The following G3BP1 variants were observed in gnomAD, a reference collection of about 807,000 sequenced individuals.
G3BP1 encodes G3BP stress granule assembly factor 1, also known as ras GTPase-activating protein-binding protein 1.
A neutral mutation model predicts 58.6 loss-of-function variants in G3BP1; 35 were observed. The ratio of observed to expected loss-of-function variants is 0.60; its 90% CI spans 0.46 to 0.79. The LOEUF (loss-of-function observed/expected upper bound fraction) is 0.79, where lower values mean the gene tolerates loss of function less well. G3BP1 is among the 30% of genes least tolerant of loss of function. The pLI is 0.00. For synonymous variants in G3BP1, 191 were observed against 195.4 expected (o/e 0.98, Z 0.19); for missense variants, 523 against 580.8 (o/e 0.90, Z 1.02).
At position 151,791,077 on chromosome 5, in the gene G3BP1, G is replaced by A; in HGVS notation, c.351+15G>A. ...TTGCTCCTGAGGTATGTGTAGGAAT[G>A]ATTATTTTGTAGTGATCCAATACAT... is the stretch of plus-strand genomic sequence containing the variant. On this transcript the variant is annotated intron_variant, in intron 4 of 11. Transcript: ENST00000356245. 6.3e-7 allele frequency: 1 copy of A among 1,597,440 alleles called. No homozygotes were observed. Among genetic ancestry groups the A allele is most frequent in the African/African-American group, 1.3e-5 (1 of 74,686 alleles).
chr5:151,809,628 G>A lies in G3BP1; in HGVS notation c.*5537G>A, dbSNP rs879339370. 1.3e-5 allele frequency: 2 copies of A among 152,194 alleles called. No individual in the cohort carries two copies. The highest frequency in any genetic ancestry group is 4.8e-5 in the African/African-American group (2 of 41,442). 9.4% of individuals were successfully genotyped at this position (152,194 alleles called of 1,614,324 possible). On this transcript the variant is annotated 3_prime_UTR_variant, in exon 12 of 12. Transcript: ENST00000356245. ...TGTTAGTGCTGGAAAGGACTAGGAA[G>A]TGACTTGTACAACCCCTTCATTTTA...
chr5:151,787,460 T>A (rs1420454000), intron 2 of G3BP1: 1 of 152,206 alleles, frequency 6.6e-6, no homozygotes, highest in African/African-American at 2.4e-5. Context: ...CAGAAACAAT[T>A]TTTCTATATA....
intron 1 of G3BP1, among the ~76,000 whole-genome samples, chr5:151,774,025 G>C (rs936524916): frequency 2.0e-5 from 3 of 152,196 alleles, no homozygotes; most frequent in African/African-American, 4.8e-5. Flanking sequence ...TGAAAATTAC[G>C]TGATTATTTC....
At position 151,797,240 on chromosome 5, in the gene G3BP1, G is replaced by C. The variant is rs201691899; in HGVS notation, c.553G>C (p.Glu185Gln). 846 of 1,613,456 alleles carry C rather than the reference G, an allele frequency of 5.2e-4. No homozygotes were observed. The highest frequency in any genetic ancestry group is 6.9e-4 in the Non-Finnish European group (813 of 1,179,508). ...DQAVVSNDMEEHLEEPVAEPE... is the reference protein window; with the variant it reads ...DQAVVSNDMEQHLEEPVAEPE... ...TTCCTGTCAAAGTAATGACATGGAA[G>C]AACATTTAGAGGAGCCTGTTGCTGA... Residue 185 changes from glutamate to glutamine, a missense_variant, in exon 7 of 12, where the codon GAA becomes CAA. Around this residue, in one of 2 missense-constraint regions of G3BP1, gnomAD observed 398 missense variants for 399.1 expected, o/e 1.00. Transcript: ENST00000356245.
chr5:151,786,974 C>A, intron 2 of G3BP1: 1 of 244,246 alleles, frequency 4.1e-6, no homozygotes, highest in Non-Finnish European at 7.8e-6. Flanking sequence ...TCCTGAGTAG[C>A]TGGGACCACA....
At chr5:151,786,134 C>T (rs1247830495) in intron 1 of G3BP1, among the ~76,000 whole-genome samples, 1 of 152,064 alleles carries the variant, frequency 6.6e-6, no homozygotes, top group African/African-American at 2.4e-5. Flanking sequence ...CTAAAAAATA[C>T]AAAAATTAGC....
intron 1 of G3BP1, among the ~76,000 whole-genome samples, chr5:151,777,262 A>C (rs963520689): frequency 6.6e-6 from 1 of 152,252 alleles, no homozygotes; most frequent in Non-Finnish European, 1.5e-5. Context: ...GTTTGAATAC[A>C]TGACATAATC....
chr5:151,774,044 G>A (rs1762324511), intron 1 of G3BP1, among the ~76,000 whole-genome samples: 1 of 152,208 alleles, frequency 6.6e-6, no homozygotes, highest in South Asian at 2.1e-4. Flanking sequence ...TCACAAACTG[G>A]TGCTCTAACT....
intron 2 of G3BP1, among the ~76,000 whole-genome samples, chr5:151,788,934 T>C (rs1478055075): frequency 6.6e-6 from 1 of 152,080 alleles, no homozygotes; most frequent in Non-Finnish European, 1.5e-5. Context: ...TGCGCCACCA[T>C]GCCTGGCTAA....
intron 7 of G3BP1, among the ~76,000 whole-genome samples, chr5:151,797,972 C>CT (rs34806653): frequency 0.2 from 29,872 of 152,122 alleles, 3,684 homozygotes; most frequent in South Asian, 0.32. Context: ...TCGTTGAAAC[C>CT]TTTGCATTTG....
At position 151,799,983 on chromosome 5, in the gene G3BP1, A is replaced by T. The variant is rs776864948; in HGVS notation, c.938A>T (p.Gln313Leu). Residue 313 changes from glutamine to leucine, a missense_variant, in exon 9 of 12, where the codon CAA becomes CTA. This residue lies in a region of G3BP1 where 398 missense variants were observed against 399.1 expected (regional missense o/e 1.00). Transcript: ENST00000356245. Reference protein sequence around the residue: ...VREQRINIPPQRGPRPIREAG... With the variant: ...VREQRINIPPLRGPRPIREAG... ...GAACAACGAATAAATATTCCTCCCC[A>T]AAGGGGACCCAGACCAAGTAAGAGC... 1.9e-6 allele frequency: 3 copies of T among 1,601,858 alleles called. No individual in the cohort carries two copies. Among genetic ancestry groups the T allele is most frequent in the Non-Finnish European group, 2.6e-6 (3 of 1,168,902 alleles).
Position 151,812,411 on chromosome 5 carries a change from T to C in G3BP1, c.*8320T>C, listed in dbSNP as rs1292910088. The stretch of plus-strand genomic sequence containing the variant: ...TTTTGGAATAAAGGAAATGTAAAAT[T>C]ATTTGCAGAATAATAACCTGGGATT... On this transcript the variant is annotated 3_prime_UTR_variant, in exon 12 of 12. Transcript: ENST00000356245. The C allele has an allele frequency of 6.6e-6, 1 of 152,208 alleles. No homozygotes were observed. The highest frequency in any genetic ancestry group is 2.4e-5 in the African/African-American group (1 of 41,448). 9.4% of individuals were successfully genotyped at this position (152,208 alleles called of 1,614,324 possible). A position where few individuals can be genotyped will look rare whatever the true frequency, so the allele number is the denominator to read the frequency against.
In G3BP1 at chr5:151,803,917, T is replaced by C; in HGVS notation, c.1227T>C (p.Asn409=). ...PIMFRGEVRL[N]VEEKKTRAAR... ...TGTTCAGAGGTGAGGTCCGTCTGAA[T>C]GTCGAAGAGAAGAAGACTCGAGCTG... The change falls in exon 12 of 12, where the codon AAT becomes AAC. Residue 409 remains asparagine, a synonymous_variant. Coordinates refer to ENST00000356245, the MANE Select transcript of G3BP1 (RefSeq NM_005754.3). 6.2e-7 allele frequency: 1 copy of C among 1,613,998 alleles called. No individual in the cohort carries two copies. The highest frequency in any genetic ancestry group is 8.5e-7 in the Non-Finnish European group (1 of 1,179,896).
chr5:151,778,163 A>AT (rs1762404968), intron 1 of G3BP1, among the ~76,000 whole-genome samples: 2 of 152,178 alleles, frequency 1.3e-5, no homozygotes, highest in Admixed American at 6.5e-5. Flanking sequence ...CCTAACTTTT[A>AT]AAGAAACTCC....
At chr5:151,779,046 TAA>T (rs200862248) in intron 1 of G3BP1, among the ~76,000 whole-genome samples, 1 of 144,634 alleles carries the variant, frequency 6.9e-6, no homozygotes. Context: ...AGATTCCTTC[TAA>T]AAAAAAAAAA....
At chr5:151,803,593 A>G (rs935509691) in intron 11 of G3BP1, among the ~76,000 whole-genome samples, 1 of 152,080 alleles carries the variant, frequency 6.6e-6, no homozygotes. Context: ...CCTGGGTTCA[A>G]GCAATTCTCC....
rs1762933973 is a variant in G3BP1, at chr5:151,806,008, A to G, written c.*1917A>G. 2.0e-5 allele frequency: 3 copies of G among 152,174 alleles called. No homozygotes were observed. The highest frequency in any genetic ancestry group is 2.9e-5 in the Non-Finnish European group (2 of 68,028). The allele number at this position is 152,174 out of a possible 1,614,324, so 9.4% of individuals were successfully genotyped here. On this transcript the variant is annotated 3_prime_UTR_variant, in exon 12 of 12. Coordinates refer to ENST00000356245, the MANE Select transcript of G3BP1 (RefSeq NM_005754.3). ...GCATTAACTAGATGCAGCAATCCTC[A>G]GCTTGGTGTTATCACATACTAGAGG...
chr5:151,783,082 C>G (rs1454212045), intron 1 of G3BP1, among the ~76,000 whole-genome samples: 1 of 151,986 alleles, frequency 6.6e-6, no homozygotes, highest in Non-Finnish European at 1.5e-5. Flanking sequence ...TGGTGTTGAA[C>G]TCCTGACCTC....
At chr5:151,775,536 T>G (rs1762354360) in intron 1 of G3BP1, among the ~76,000 whole-genome samples, 1 of 152,254 alleles carries the variant, frequency 6.6e-6, no homozygotes, top group South Asian at 2.1e-4. Context: ...GAATCTGGAA[T>G]GTATGAATGT....
Sources: gnomAD v4.1 joint callset for allele counts (sites outside exome capture counted in the v4.1 genomes callset) on GRCh38, gnomAD v4.1.1 for gene constraint, gnomAD v4.1.1 regional missense constraint, MANE v1.5 for transcripts, NCBI Gene and HGNC (gene_info 2026-07-23, HGNC 2026-07-21) for gene names.